Variants in GRIK1 observed in about 807,000 individuals in gnomAD.
The protein encoded by GRIK1 is glutamate receptor ionotropic, kainate 1.
In GRIK1, 69 loss-of-function variants were observed where a neutral mutation model predicts 105.7. The observed-to-expected ratio is 0.65, with a 90% CI of 0.54 to 0.80. GRIK1 has a LOEUF of 0.80. GRIK1 is among the 30% of genes least tolerant of loss of function. GRIK1 has a pLI of 0.00. For missense variants in GRIK1, 1,109 were observed against 1,167.3 expected (o/e 0.95, Z 0.73); for synonymous variants, 438 against 431.3 (o/e 1.02, Z -0.19).
At chr21:29,926,351 A>C (rs2071370410) in intron 1 of GRIK1, among the ~76,000 whole-genome samples, 2 of 152,184 alleles carry the variant, frequency 1.3e-5, no homozygotes, top group African/African-American at 4.8e-5. Context: ...TTGTACTCTA[A>C]AGCTTTTATG....
intron 1 of GRIK1, among the ~76,000 whole-genome samples, chr21:29,783,970 G>A (rs139688059): frequency 2.0e-5 from 3 of 151,996 alleles, no homozygotes; most frequent in Non-Finnish European, 2.9e-5. Context: ...TCGCTCTGTC[G>A]CCCAGGCTGG....
At chr21:29,685,737 C>G (rs1038452956) in intron 3 of GRIK1, among the ~76,000 whole-genome samples, 16 of 152,126 alleles carry the variant, frequency 1.1e-4, no homozygotes, top group Non-Finnish European at 2.1e-4. Flanking sequence ...GGCATGCTGA[C>G]TACTTTGAAC....
At chr21:29,677,755 G>C (rs1202828091) in intron 3 of GRIK1, among the ~76,000 whole-genome samples, 1 of 152,158 alleles carries the variant, frequency 6.6e-6, no homozygotes, top group African/African-American at 2.4e-5. Context: ...ATAGGTGTCA[G>C]TGCTATTTTA....
intron 1 of GRIK1, among the ~76,000 whole-genome samples, chr21:29,857,563 T>G (rs1055387188): frequency 6.6e-6 from 1 of 152,214 alleles, no homozygotes; most frequent in Non-Finnish European, 1.5e-5. Flanking sequence ...GCAGGCATTT[T>G]TGAGAATTTT....
chr21:29,798,033 A>G (rs774232471), intron 1 of GRIK1, among the ~76,000 whole-genome samples: 1 of 152,218 alleles, frequency 6.6e-6, no homozygotes, highest in Non-Finnish European at 1.5e-5. Flanking sequence ...GTAAGTCCCC[A>G]GAGTACTTCT....
intron 13 of GRIK1, 34 bp downstream of exon 13, chr21:29,581,391 G>T: frequency 1.7e-6 from 2 of 1,175,270 alleles, no homozygotes; most frequent in Non-Finnish European, 2.6e-6. Flanking sequence ...GCACACTGTG[G>T]GATGCGTGTG....
intron 3 of GRIK1, among the ~76,000 whole-genome samples, chr21:29,684,832 A>T (rs2063457798): frequency 6.6e-6 from 1 of 152,202 alleles, no homozygotes; most frequent in Non-Finnish European, 1.5e-5. Flanking sequence ...TTACTTTTGC[A>T]CCAACCTAGT....
At chr21:29,840,088 G>C (rs889971823) in intron 1 of GRIK1, among the ~76,000 whole-genome samples, 3 of 152,122 alleles carry the variant, frequency 2.0e-5, no homozygotes, top group African/African-American at 7.2e-5. Flanking sequence ...AGTGGGAATT[G>C]AAAAATAGGA....
chr21:29,875,373 C>T (rs1569181315), intron 1 of GRIK1, among the ~76,000 whole-genome samples: 1 of 152,162 alleles, frequency 6.6e-6, no homozygotes, highest in East Asian at 1.9e-4. Context: ...TAAGGGAGAG[C>T]TGGATTTTGC....
At chr21:29,845,440 T>C (rs1286248783) in intron 1 of GRIK1, among the ~76,000 whole-genome samples, 3 of 152,194 alleles carry the variant, frequency 2.0e-5, no homozygotes, top group African/African-American at 7.2e-5. Flanking sequence ...GTGGTTTTTA[T>C]TTCTGTTAAT....
chr21:29,782,236 G>A (rs183967406), intron 1 of GRIK1, among the ~76,000 whole-genome samples: 8 of 151,416 alleles, frequency 5.3e-5, no homozygotes, highest in Middle Eastern at 6.9e-3. Context: ...GCAGGCGCCC[G>A]CCACCAAGCC....
intron 1 of GRIK1, among the ~76,000 whole-genome samples, chr21:29,863,226 A>G (rs1419748239): frequency 6.6e-6 from 1 of 152,218 alleles, no homozygotes; most frequent in Non-Finnish European, 1.5e-5. Context: ...GCTTTTATAA[A>G]AATACAGATT....
At chr21:29,852,673 A>G (rs1306380577) in intron 1 of GRIK1, among the ~76,000 whole-genome samples, 1 of 152,226 alleles carries the variant, frequency 6.6e-6, no homozygotes, top group Admixed American at 6.5e-5. Flanking sequence ...ACATTTATCA[A>G]AATGTTTTTC....
At chr21:29,689,086 G>A (rs1346510800) in intron 3 of GRIK1, among the ~76,000 whole-genome samples, 1 of 151,532 alleles carries the variant, frequency 6.6e-6, no homozygotes, top group African/African-American at 2.4e-5. Flanking sequence ...AAAAATTCTG[G>A]ACAATAAGCA....
intron 1 of GRIK1, among the ~76,000 whole-genome samples, chr21:29,723,269 C>A (rs1255895576): frequency 6.6e-6 from 1 of 152,146 alleles, no homozygotes; most frequent in East Asian, 1.9e-4. Context: ...TGTTTTCCAG[C>A]AAATAATTAA....
At chr21:29,689,707 G>T in intron 3 of GRIK1, 21 bp downstream of exon 3, 2 of 1,610,368 alleles carry the variant, frequency 1.2e-6, no homozygotes, top group East Asian at 2.2e-5. Flanking sequence ...GGTCGGGTGA[G>T]GTCTTGTGTG....
intron 7 of GRIK1, among the ~76,000 whole-genome samples, chr21:29,610,603 C>T (rs2061711079): frequency 1.3e-5 from 2 of 152,126 alleles, no homozygotes; most frequent in Admixed American, 1.3e-4. Flanking sequence ...GAACTGATTT[C>T]CCTCTACAGC....
At chr21:29,569,583 A>G (rs764336107) in intron 14 of GRIK1, among the ~76,000 whole-genome samples, 12 of 152,206 alleles carry the variant, frequency 7.9e-5, no homozygotes, top group Non-Finnish European at 1.3e-4. Context: ...TGGTATTCCC[A>G]TTCTCTGATC....
At chr21:29,717,462 G>A (rs754274052) in intron 1 of GRIK1, among the ~76,000 whole-genome samples, 17 of 152,232 alleles carry the variant, frequency 1.1e-4, no homozygotes, top group Admixed American at 1.3e-4. Context: ...CCAAGGCTGT[G>A]AGAGCCCACC....
Sources: allele counts gnomAD v4.1 joint callset (sites outside exome capture counted in the v4.1 genomes callset), GRCh38; gene constraint gnomAD v4.1.1; transcripts MANE v1.5; gene names NCBI Gene and HGNC (gene_info 2026-07-23, HGNC 2026-07-21).